The following DGKI variants were observed in gnomAD, a reference collection of about 807,000 sequenced individuals.
DGKI encodes diacylglycerol kinase iota.
DGKI carries 55 observed loss-of-function variants against 147.5 expected under a neutral mutation model. The ratio of observed to expected loss-of-function variants is 0.37; its 90% CI spans 0.30 to 0.47. The LOEUF is 0.47. Among genes scored for constraint, DGKI ranks in the 20% least tolerant of loss-of-function variants. The pLI is 1.00. For synonymous variants in DGKI, 469 were observed against 477.1 expected (o/e 0.98, Z 0.22); for missense variants, 1,007 against 1,323.8 (o/e 0.76, Z 3.71).
intron 1 of DGKI, among the ~76,000 whole-genome samples, chr7:137,817,860 T>C (rs73152550): frequency 0.028 from 4,306 of 152,350 alleles, 104 homozygotes; most frequent in Non-Finnish European, 0.045. Flanking sequence ...GTTTTATTCC[T>C]ATGCATATGT....
At chr7:137,655,991 G>T (rs1287808823) in intron 4 of DGKI, among the ~76,000 whole-genome samples, 1 of 152,226 alleles carries the variant, frequency 6.6e-6, no homozygotes, top group East Asian at 1.9e-4. Context: ...GCAGCAACAG[G>T]AGGAGCACTG....
rs893198968 is a variant in DGKI at position 137,748,985 on chromosome 7, A to G, written c.402-58983T>C. Among the ~76,000 whole-genome samples, 104 of 152,226 alleles carry G rather than the reference A, an allele frequency of 6.8e-4. 6 individuals carry two copies. Among genetic ancestry groups the G allele is most frequent in the African/African-American group, 4.6e-4 (19 of 41,464 alleles). On this transcript the variant is annotated intron_variant, in intron 1 of 32. Transcript: ENST00000614521. ...AATTTAGTATCGTGCCTTATAGACA[A>G]TAACAGCAACTGGTGATTATATTTT...
chr7:137,551,061 G>A (rs928881846), intron 20 of DGKI, among the ~76,000 whole-genome samples: 1 of 152,166 alleles, frequency 6.6e-6, no homozygotes. Flanking sequence ...AGGAATGAGC[G>A]AGGAGTTTCA....
At chr7:137,844,744 T>C (rs1798659457) in intron 1 of DGKI, among the ~76,000 whole-genome samples, 1 of 152,154 alleles carries the variant, frequency 6.6e-6, no homozygotes. Context: ...AACATACATT[T>C]TAAAAAAGGA....
chr7:137,462,849 C>G (rs1814501617), intron 27 of DGKI, among the ~76,000 whole-genome samples: 1 of 152,186 alleles, frequency 6.6e-6, no homozygotes, highest in African/African-American at 2.4e-5. Flanking sequence ...GAGGTGGATT[C>G]ACCGAGCACA....
At chr7:137,498,369 T>C (rs928156969) in intron 21 of DGKI, among the ~76,000 whole-genome samples, 9 of 151,118 alleles carry the variant, frequency 6.0e-5, no homozygotes, top group African/African-American at 1.9e-4. Flanking sequence ...CAAAAGAAAA[T>C]AGAGAATAAA....
chr7:137,463,672 C>T, intron 26 of DGKI, 61 bp from the exon 27 acceptor site: 1 of 1,582,626 alleles, frequency 6.3e-7, no homozygotes, highest in South Asian at 1.1e-5. Context: ...GACTTCGTTT[C>T]CACTTTCTGA....
intron 1 of DGKI, among the ~76,000 whole-genome samples, chr7:137,759,334 CTT>C (rs551016252): frequency 7.5e-5 from 11 of 146,430 alleles, no homozygotes; most frequent in African/African-American, 2.5e-4. Context: ...GCTCTACATT[CTT>C]TTTTTTTTTT....
intron 2 of DGKI, among the ~76,000 whole-genome samples, chr7:137,688,176 A>G (rs1823486086): frequency 6.6e-6 from 1 of 152,026 alleles, no homozygotes; most frequent in African/African-American, 2.4e-5. Flanking sequence ...ATTTCCCTGT[A>G]TTTTCGTGTT....
chr7:137,722,083 A>C (rs1191670315), intron 1 of DGKI: 1 of 1,598,102 alleles, frequency 6.3e-7, no homozygotes, highest in Non-Finnish European at 8.5e-7. Flanking sequence ...GGGTAACCTC[A>C]AGGCTAAAAA....
chr7:137,774,375 A>G (rs1796299208), intron 1 of DGKI, among the ~76,000 whole-genome samples: 1 of 152,214 alleles, frequency 6.6e-6, no homozygotes, highest in Non-Finnish European at 1.5e-5. Context: ...GTGAAAACAG[A>G]GGAAGCTAAA....
Position 137,760,920 on chromosome 7 carries a change from C to T in DGKI, c.402-70918G>A, listed in dbSNP as rs1257331881. Among the ~76,000 whole-genome samples, 3 of 152,172 alleles carry T rather than the reference C, an allele frequency of 2.0e-5. 1 individual carries two copies. The highest frequency in any genetic ancestry group is 2.0e-4 in the Admixed American group (3 of 15,282). ...AGGCAATTCCCTTTAGGCTGTTCTG[C>T]ACTCTGTTCTCCCATGCCTCCTTAG... is the stretch of plus-strand genomic sequence containing the variant. On this transcript the variant is annotated intron_variant, in intron 1 of 32. Coordinates refer to ENST00000614521, the MANE Select transcript of DGKI (RefSeq NM_001321708.2).
In DGKI at chr7:137,450,127, C is replaced by T. The variant is rs536611352; in HGVS notation, c.2736-6025G>A. Among the ~76,000 whole-genome samples, 81 of 152,180 alleles carry T rather than the reference C, an allele frequency of 5.3e-4. 1 individual carries two copies. Among genetic ancestry groups the T allele is most frequent in the African/African-American group, 1.9e-3 (77 of 41,524 alleles). ...GAATGGAGGTTACCAGAGGCTGGGG[C>T]ATTTCGGGGTGAGGGAGATGGGAGA... On this transcript the variant is annotated intron_variant, in intron 27 of 32. Transcript: ENST00000614521.
At chr7:137,838,967 A>G (rs1005864352) in intron 1 of DGKI, among the ~76,000 whole-genome samples, 1 of 152,238 alleles carries the variant, frequency 6.6e-6, no homozygotes, top group Non-Finnish European at 1.5e-5. Flanking sequence ...CAGAAGAGAA[A>G]TAACCTCTGT....
chr7:137,469,631 C>A lies in DGKI; in HGVS notation c.2374-12G>T, dbSNP rs371355666. ...GAGGTTTCATGGTCCTGGAAAGAGACACACACACTCTAGTGGCTGCATTTC... is the reference window on the plus strand; with the variant it reads ...GAGGTTTCATGGTCCTGGAAAGAGAAACACACACTCTAGTGGCTGCATTTC... On this transcript the variant is annotated splice_polypyrimidine_tract_variant and intron_variant, in intron 23 of 32. Transcript: ENST00000614521. The A allele has an allele frequency of 3.4e-5, 55 of 1,612,750 alleles. No homozygotes were observed. Among genetic ancestry groups the A allele is most frequent in the Non-Finnish European group, 4.4e-5 (52 of 1,179,068 alleles).
intron 20 of DGKI, among the ~76,000 whole-genome samples, chr7:137,530,839 A>G (rs1266610391): frequency 6.6e-6 from 1 of 152,168 alleles, no homozygotes; most frequent in Non-Finnish European, 1.5e-5. Context: ...TATGCATTAC[A>G]TTATTGCTGT....
intron 20 of DGKI, among the ~76,000 whole-genome samples, chr7:137,531,823 A>G (rs1287938215): frequency 1.3e-5 from 2 of 152,190 alleles, no homozygotes; most frequent in African/African-American, 4.8e-5. Context: ...ACAGAAGAAA[A>G]CACTTGTGGT....
chr7:137,566,397 G>A (rs1485277874), intron 19 of DGKI, among the ~76,000 whole-genome samples: 1 of 152,072 alleles, frequency 6.6e-6, no homozygotes, highest in Non-Finnish European at 1.5e-5. Flanking sequence ...ACTGCTATAT[G>A]AGTAGCAAGT....
At chr7:137,807,933 G>A (rs187406921) in intron 1 of DGKI, among the ~76,000 whole-genome samples, 4 of 152,242 alleles carry the variant, frequency 2.6e-5, no homozygotes, top group East Asian at 1.9e-4. Flanking sequence ...CCTCCAGAGC[G>A]AATATAGGTG....
Sources: allele counts gnomAD v4.1 joint callset (sites outside exome capture counted in the v4.1 genomes callset), GRCh38; gene constraint gnomAD v4.1.1; transcripts MANE v1.5; gene names NCBI Gene and HGNC (gene_info 2026-07-23, HGNC 2026-07-21).